Variants in REXO5 observed in about 807,000 individuals in gnomAD.
REXO5 encodes the protein exonuclease NEF-sp.
A neutral mutation model predicts 88.5 loss-of-function variants in REXO5; 48 were observed. The ratio of observed to expected loss-of-function variants is 0.54; its 90% confidence interval spans 0.43 to 0.69. The LOEUF (loss-of-function observed/expected upper bound fraction) is 0.69. REXO5 is among the 30% of genes least tolerant of loss of function. The probability of loss-of-function intolerance (pLI) is 0.00; values close to 1 mark genes in which losing one functional copy is unlikely to be tolerated. For missense variants in REXO5, 749 were observed against 912.2 expected, an observed-to-expected ratio of 0.82 and a Z score of 2.30; for synonymous variants, 311 against 336.5, an observed-to-expected ratio of 0.92 and a Z score of 0.83.
Position 20,849,505 on chromosome 16 carries a change from C to G in REXO5, c.*25C>G. 1 of 1,605,626 alleles carries G rather than the reference C, an allele frequency of 6.2e-7. No individual in the cohort carries two copies. Among genetic ancestry groups the G allele is most frequent in the Middle Eastern group, 1.7e-4 (1 of 6,044 alleles). Reference sequence around the variant, plus strand: ...AGTCGGCCTGCCATGTTTCCATGTGCCATTTCTTACCCCTTGTAGGCAATG... The same window carrying G: ...AGTCGGCCTGCCATGTTTCCATGTGGCATTTCTTACCCCTTGTAGGCAATG... On this transcript the variant is annotated 3_prime_UTR_variant, in exon 20 of 20. Coordinates refer to ENST00000261377, the MANE Select transcript of REXO5 (RefSeq NM_030941.3).
rs528309871 is a variant in REXO5 at position 20,824,701 on chromosome 16, A to G, written c.705+174A>G. ...TTTAGAAAACTTAGATCTGTATTCC[A>G]GGATAAAGAATAAATATCACATAAG... On this transcript the variant is annotated intron_variant, in intron 7 of 19. Transcript: ENST00000261377. 9.2e-5 allele frequency among the ~76,000 whole-genome samples: 14 copies of G among 152,284 alleles called. No individual in the cohort carries two copies. The East Asian group carries it at 1.9e-3, about 21-fold the overall frequency.
intron 5 of REXO5, among the ~76,000 whole-genome samples, chr16:20,816,536 C>T (rs777767919): frequency 2.0e-5 from 3 of 152,026 alleles, no homozygotes; most frequent in Non-Finnish European, 2.9e-5. Context: ...AAACGGGGCT[C>T]CACTGTGCTG....
At chr16:20,834,388 T>C (rs2081392732) in intron 13 of REXO5, among the ~76,000 whole-genome samples, 1 of 152,206 alleles carries the variant, frequency 6.6e-6, no homozygotes, top group African/African-American at 2.4e-5. Context: ...ATCGCACCAC[T>C]ACACTCCAGC....
intron 13 of REXO5, among the ~76,000 whole-genome samples, chr16:20,836,380 G>C (rs2081429997): frequency 6.6e-6 from 1 of 152,098 alleles, no homozygotes; most frequent in Non-Finnish European, 1.5e-5. Flanking sequence ...GAATCATATA[G>C]TATATAGCTT....
Position 20,824,576 on chromosome 16 carries a change from T to TA in REXO5, c.705+50dup, listed in dbSNP as rs754630591. 6 of 1,127,674 alleles carry TA rather than the reference T, an allele frequency of 5.3e-6. No individual in the cohort carries two copies. In the South Asian group the frequency reaches 7.6e-5, roughly 14 times the overall value. 69.9% of individuals were successfully genotyped at this position (1,127,674 alleles called of 1,614,324 possible). A position where few individuals can be genotyped will look rare whatever the true frequency, so the allele number is the denominator to read the frequency against. On this transcript the variant is annotated intron_variant, in intron 7 of 19. Coordinates refer to ENST00000261377, the MANE Select transcript of REXO5 (RefSeq NM_030941.3). Reference sequence around the variant, plus strand: ...AATTGGAGTGTTGCAAGCTGAGGTCTAGTAGAAAATGATTTCTTGAGTCTA... The same window carrying TA: ...AATTGGAGTGTTGCAAGCTGAGGTCTAAGTAGAAAATGATTTCTTGAGTCTA...
intron 4 of REXO5, among the ~76,000 whole-genome samples, chr16:20,815,318 T>C (rs1441317451): frequency 6.6e-6 from 1 of 152,204 alleles, no homozygotes; most frequent in Non-Finnish European, 1.5e-5. Flanking sequence ...TCAGAAATTG[T>C]AAAATATAAT....
rs1388810838 is a variant in REXO5 at position 20,816,193 on chromosome 16, T to TAC, written c.456_457insAC (p.Leu153ThrfsTer36). ...TACAAACTGAACAAAGAGCTGGAGA[T>TAC]CTGCCCAAGACAATGGAAGGTATAG... On this transcript the variant is annotated frameshift_variant, in exon 5 of 20. Coordinates refer to ENST00000261377, the MANE Select transcript of REXO5 (RefSeq NM_030941.3). LOFTEE classifies it high-confidence loss of function. The TAC allele has an allele frequency of 1.2e-6, 2 of 1,613,800 alleles. No individual in the cohort carries two copies. The highest frequency in any genetic ancestry group is 8.5e-7 in the Non-Finnish European group (1 of 1,179,792).
At chr16:20,812,244 G>A (rs59759031) in intron 2 of REXO5, among the ~76,000 whole-genome samples, 2 of 152,122 alleles carry the variant, frequency 1.3e-5, no homozygotes, top group Non-Finnish European at 2.9e-5. Flanking sequence ...ACTATAGGCC[G>A]GGCGTGGTGG....
intron 2 of REXO5, chr16:20,808,914 G>A (rs1050635466): frequency 6.1e-5 from 9 of 148,114 alleles, no homozygotes; most frequent in South Asian, 2.1e-4. Flanking sequence ...TTTTTTTTTC[G>A]TTTGTTTTTT....
rs754944897 is a variant in REXO5 at position 20,849,507 on chromosome 16, A to G, written c.*27A>G. The G allele has an allele frequency of 6.2e-7, 1 of 1,607,516 alleles. No individual in the cohort carries two copies. The highest frequency in any genetic ancestry group is 1.1e-5 in the South Asian group (1 of 90,944). Reference sequence around the variant, plus strand: ...TCGGCCTGCCATGTTTCCATGTGCCATTTCTTACCCCTTGTAGGCAATGGC... The same window carrying G: ...TCGGCCTGCCATGTTTCCATGTGCCGTTTCTTACCCCTTGTAGGCAATGGC... On this transcript the variant is annotated 3_prime_UTR_variant, in exon 20 of 20. Coordinates refer to ENST00000261377, the MANE Select transcript of REXO5 (RefSeq NM_030941.3).
intron 7 of REXO5, 133 bp from the exon 8 acceptor site, chr16:20,825,700 T>G (rs1021420208): frequency 1.6e-6 from 1 of 634,714 alleles, no homozygotes; most frequent in African/African-American, 1.8e-5. Flanking sequence ...CTAGATCCTC[T>G]AGAAAGCAAG....
In REXO5 at chr16:20,806,983, A is replaced by G. The variant is rs1161514518; in HGVS notation, c.30A>G (p.Arg10=). The part of the protein sequence containing the change: MEPEREGTE[R]HPRKVRESRQ... ...AGCCAGAGAGGGAAGGGACCGAGAG[A>G]CACCCCAGGAAGGTCAGGGAAAGCA... The change falls in exon 2 of 20, where the codon AGA becomes AGG. Residue 10 remains arginine, a synonymous_variant. Transcript: ENST00000261377. 23 of 1,598,924 alleles carry G rather than the reference A, an allele frequency of 1.4e-5. No homozygotes were observed. The highest frequency in any genetic ancestry group is 2.0e-5 in the Non-Finnish European group (23 of 1,172,818).
chr16:20,844,503 AAAG>A (rs1164390263), intron 16 of REXO5, 123 bp from the exon 17 acceptor site: 6 of 740,994 alleles, frequency 8.1e-6, no homozygotes, highest in African/African-American at 7.1e-5. Flanking sequence ...ACAGAAAAGA[AAAG>A]AAACGGAAAA....
chr16:20,837,090 A>G (rs1002814736), intron 13 of REXO5, among the ~76,000 whole-genome samples: 3 of 151,874 alleles, frequency 2.0e-5, no homozygotes, highest in African/African-American at 7.3e-5. Context: ...CATTCTCTTT[A>G]TCGTATATTT....
chr16:20,806,572 C>A lies in REXO5; in HGVS notation c.-136C>A. ...AGGAGGGGAGAACCTCTGCTCCCCG[C>A]CCGTCTTCTCTTCTGCGTTTCCCGG... On this transcript the variant is annotated 5_prime_UTR_variant, in exon 1 of 20. Transcript: ENST00000261377. 4 of 1,470,234 alleles carry A rather than the reference C, an allele frequency of 2.7e-6. No individual in the cohort carries two copies. Among genetic ancestry groups the A allele is most frequent in the Non-Finnish European group, 3.6e-6 (4 of 1,109,994 alleles). 91.1% of individuals were successfully genotyped at this position (1,470,234 alleles called of 1,614,324 possible).
intron 7 of REXO5, chr16:20,825,422 G>GTAGATCTC: frequency 6.4e-6 from 1 of 155,158 alleles, no homozygotes; most frequent in Admixed American, 6.5e-5. Flanking sequence ...TCTGTGAAGT[G>GTAGATCTC]GGGGTAATAA....
chr16:20,814,652 A>G (rs1326957158), intron 3 of REXO5, among the ~76,000 whole-genome samples: 2 of 152,216 alleles, frequency 1.3e-5, no homozygotes, highest in Non-Finnish European at 2.9e-5. Context: ...TCTGATTCCA[A>G]ACAAACCTTA....
intron 2 of REXO5, among the ~76,000 whole-genome samples, chr16:20,809,822 C>T (rs1195466382): frequency 6.6e-6 from 1 of 152,236 alleles, no homozygotes; most frequent in Non-Finnish European, 1.5e-5. Context: ...CCACCTCAGC[C>T]TCAGTGTAGC....
In REXO5 at chr16:20,833,063, T is replaced by C. The variant is rs2081371405; in HGVS notation, c.1323T>C (p.Asp441=). The C allele has an allele frequency of 5.0e-6, 8 of 1,613,670 alleles. No individual in the cohort carries two copies. The highest frequency in any genetic ancestry group is 6.8e-6 in the Non-Finnish European group (8 of 1,179,662). ...TTCTTTTTTTGACCCGGGAGACAGA[T>C]GCTGGTGAACTTCCATCTTCCAGAA... The part of the protein sequence containing the change: ...QKLLFLTRET[D]AGELPSSRNC... The change falls in exon 13 of 20, where the codon GAT becomes GAC. Residue 441 remains aspartate (D), a synonymous_variant. Coordinates refer to ENST00000261377, the MANE Select transcript of REXO5 (RefSeq NM_030941.3).
Sources: gnomAD v4.1 joint callset for allele counts (sites outside exome capture counted in the v4.1 genomes callset) on GRCh38, gnomAD v4.1.1 for gene constraint, MANE v1.5 for transcripts, NCBI Gene and HGNC (gene_info 2026-07-23, HGNC 2026-07-21) for gene names.